Variants in VWC2L observed in about 807,000 individuals in gnomAD.
VWC2L encodes the protein von Willebrand factor C domain-containing protein 2-like.
VWC2L carries 10 observed loss-of-function variants against 21.6 expected under a neutral mutation model. That is an observed-to-expected ratio of 0.46 (90% CI 0.29 to 0.78). VWC2L has a LOEUF of 0.78. Ranked by LOEUF, VWC2L falls within the 30% of genes least tolerant of loss-of-function variation. The probability of loss-of-function intolerance (pLI) is 0.10; values close to 1 mark genes in which losing one functional copy is unlikely to be tolerated. For synonymous variants in VWC2L, 96 were observed against 94.3 expected (o/e 1.02, Z -0.10); for missense variants, 209 against 277.1 (o/e 0.75, Z 1.74).
chr2:214,442,363 A>AT (rs1217152760), intron 3 of VWC2L, among the ~76,000 whole-genome samples: 1 of 152,234 alleles, frequency 6.6e-6, no homozygotes, highest in Non-Finnish European at 1.5e-5. Flanking sequence ...ATATTTACAA[A>AT]TTAACAAAAA....
intron 3 of VWC2L, among the ~76,000 whole-genome samples, chr2:214,494,007 C>T (rs1290499077): frequency 6.6e-6 from 1 of 152,180 alleles, no homozygotes; most frequent in African/African-American, 2.4e-5. Context: ...AATAAGCTAA[C>T]AAACTAATTT....
chr2:214,543,192 A>G lies in VWC2L; in HGVS notation c.521-32480A>G, dbSNP rs1574627703. On this transcript the variant is annotated intron_variant, in intron 3 of 3. Transcript: ENST00000312504. ...ATTCTGATACACCCTGCTTCCCCCC[A>G]GAATTCTTAAGTTGAATAGAAATGG... Among the ~76,000 whole-genome samples, 3 of 152,326 alleles carry G rather than the reference A, an allele frequency of 2.0e-5. No homozygotes were observed. In the South Asian group the frequency reaches 6.2e-4, roughly 32 times the overall value.
At chr2:214,478,290 C>T (rs1051919820) in intron 3 of VWC2L, among the ~76,000 whole-genome samples, 1 of 152,058 alleles carries the variant, frequency 6.6e-6, no homozygotes, top group African/African-American at 2.4e-5. Context: ...ACCTGCCTGA[C>T]CAACACGGTG....
chr2:214,496,572 T>C (rs1278304058), intron 3 of VWC2L, among the ~76,000 whole-genome samples: 1 of 152,158 alleles, frequency 6.6e-6, no homozygotes, highest in Non-Finnish European at 1.5e-5. Flanking sequence ...TTCATCCACA[T>C]TGGGGTTTTA....
At chr2:214,429,106 C>G (rs561460663) in intron 2 of VWC2L, among the ~76,000 whole-genome samples, 3 of 152,150 alleles carry the variant, frequency 2.0e-5, no homozygotes, top group Non-Finnish European at 4.4e-5. Flanking sequence ...CATATGTGAC[C>G]TTGCTTTATT....
intron 3 of VWC2L, among the ~76,000 whole-genome samples, chr2:214,522,703 T>G (rs1364714063): frequency 6.6e-6 from 1 of 152,172 alleles, no homozygotes; most frequent in African/African-American, 2.4e-5. Context: ...TTGGATAGAT[T>G]TTTTAAAACA....
At chr2:214,440,965 C>T (rs1056755281) in intron 3 of VWC2L, among the ~76,000 whole-genome samples, 2 of 152,082 alleles carry the variant, frequency 1.3e-5, no homozygotes, top group African/African-American at 4.8e-5. Flanking sequence ...AAATGTTACC[C>T]CATGAAAAAT....
rs142623387 is a variant in VWC2L at position 214,493,456 on chromosome 2, C to T, written c.520+56698C>T. Among the ~76,000 whole-genome samples, 1,467 of 152,280 alleles carry T rather than the reference C, an allele frequency of 9.6e-3. 11 individuals are homozygous for T. Among genetic ancestry groups the T allele is most frequent in the Non-Finnish European group, 0.012 (820 of 68,020 alleles). On this transcript the variant is annotated intron_variant, in intron 3 of 3. Transcript: ENST00000312504. Reference sequence around the variant, plus strand: ...ACCCAGAGGCTCACAAATATTTTAACGATTCTGTCCCTTTGTCCTTCCATC... The same window carrying T: ...ACCCAGAGGCTCACAAATATTTTAATGATTCTGTCCCTTTGTCCTTCCATC...
intron 2 of VWC2L, among the ~76,000 whole-genome samples, chr2:214,416,862 G>A (rs991693635): frequency 6.6e-6 from 1 of 152,018 alleles, no homozygotes; most frequent in Non-Finnish European, 1.5e-5. Context: ...GTGATGACGG[G>A]TACACAATAG....
At chr2:214,519,376 G>A (rs946381918) in intron 3 of VWC2L, among the ~76,000 whole-genome samples, 3 of 152,146 alleles carry the variant, frequency 2.0e-5, no homozygotes, top group Non-Finnish European at 4.4e-5. Context: ...AGAGAGCAGG[G>A]CAAGCAGTCC....
chr2:214,526,235 G>A (rs940989415), intron 3 of VWC2L, among the ~76,000 whole-genome samples: 1 of 151,784 alleles, frequency 6.6e-6, no homozygotes, highest in Non-Finnish European at 1.5e-5. Flanking sequence ...AACATTTAGG[G>A]GGAAAAGTTA....
chr2:214,440,735 T>A (rs1215736756), intron 3 of VWC2L, among the ~76,000 whole-genome samples: 2 of 152,188 alleles, frequency 1.3e-5, no homozygotes, highest in Non-Finnish European at 2.9e-5. Flanking sequence ...CAGTTGTTCA[T>A]ACATTCTAAT....
chr2:214,553,488 G>A (rs1038115033), intron 3 of VWC2L, among the ~76,000 whole-genome samples: 5 of 152,166 alleles, frequency 3.3e-5, no homozygotes, highest in Admixed American at 2.6e-4. Flanking sequence ...TTGGCAGTTG[G>A]TTGAAAGAGT....
At chr2:214,482,893 C>A (rs538047181) in intron 3 of VWC2L, among the ~76,000 whole-genome samples, 4 of 152,014 alleles carry the variant, frequency 2.6e-5, no homozygotes, top group African/African-American at 7.2e-5. Context: ...CTGCCCCATT[C>A]GAGGGGGCGG....
At chr2:214,542,535 A>C (rs1689644311) in intron 3 of VWC2L, among the ~76,000 whole-genome samples, 1 of 152,210 alleles carries the variant, frequency 6.6e-6, no homozygotes, top group Admixed American at 6.5e-5. Context: ...CAGTTAATGC[A>C]AGATGCAGAT....
chr2:214,452,789 G>A (rs1559295178), intron 3 of VWC2L, among the ~76,000 whole-genome samples: 4 of 152,136 alleles, frequency 2.6e-5, no homozygotes, highest in Non-Finnish European at 5.9e-5. Context: ...TAGTAAACAT[G>A]TATTGTTCTG....
intron 2 of VWC2L, among the ~76,000 whole-genome samples, chr2:214,419,169 A>G (rs1450835344): frequency 6.6e-6 from 1 of 152,156 alleles, no homozygotes; most frequent in Non-Finnish European, 1.5e-5. Context: ...TTCTTTTTGA[A>G]AACTCTAAAT....
chr2:214,460,613 C>T (rs73072776), intron 3 of VWC2L, among the ~76,000 whole-genome samples: 1 of 152,000 alleles, frequency 6.6e-6, no homozygotes, highest in Non-Finnish European at 1.5e-5. Flanking sequence ...TTCCAGGATT[C>T]ATTTGGTTCT....
rs56085205 is a variant in VWC2L at position 214,499,009 on chromosome 2, C to CTTTT, written c.520+62277_520+62280dup. Among the ~76,000 whole-genome samples, 37 of 83,420 alleles carry CTTTT rather than the reference C, an allele frequency of 4.4e-4. 2 individuals carry two copies. The highest frequency in any genetic ancestry group is 1.9e-3 in the African/African-American group (32 of 16,474). 54.7% of individuals were successfully genotyped at this position (83,420 alleles called of 152,430 possible). A position where few individuals can be genotyped will look rare whatever the true frequency, so the allele number is the denominator to read the frequency against. ...CTTCTGAGGCTTATATCGTACCATT[C>CTTTT]TTTTTTTTTTTTTTTTTTTTTTTTT... On this transcript the variant is annotated intron_variant, in intron 3 of 3. Transcript: ENST00000312504.
Sources: gnomAD v4.1 joint callset for allele counts (sites outside exome capture counted in the v4.1 genomes callset) on GRCh38, gnomAD v4.1.1 for gene constraint, MANE v1.5 for transcripts, NCBI Gene and HGNC (gene_info 2026-07-23, HGNC 2026-07-21) for gene names.